Variants in MAP3K20 observed in about 807,000 individuals in gnomAD.
The protein encoded by MAP3K20 is mitogen-activated protein kinase kinase kinase 20, also known as HCCS-4.
In MAP3K20, 40 loss-of-function variants were observed where a neutral mutation model predicts 85.7. The ratio of observed to expected loss-of-function variants is 0.47; its 90% CI spans 0.36 to 0.61. The LOEUF (loss-of-function observed/expected upper bound fraction) is 0.61. Among genes scored for constraint, MAP3K20 ranks in the 20% least tolerant of loss-of-function variants. The pLI, the probability that MAP3K20 is intolerant of heterozygous loss-of-function variation, is 0.00. For synonymous variants in MAP3K20, 325 were observed against 327.7 expected, an observed-to-expected ratio of 0.99 and a Z score of 0.09; for missense variants, 817 against 961.7, an observed-to-expected ratio of 0.85 and a Z score of 1.99.
chr2:173,167,483 A>G (rs950850822), intron 2 of MAP3K20, among the ~76,000 whole-genome samples: 2 of 152,106 alleles, frequency 1.3e-5, no homozygotes, highest in Non-Finnish European at 2.9e-5. Flanking sequence ...AGCACTCTAA[A>G]ATAACATGTT....
chr2:173,184,457 G>A (rs557675566), intron 4 of MAP3K20, among the ~76,000 whole-genome samples: 1 of 152,066 alleles, frequency 6.6e-6, no homozygotes, highest in African/African-American at 2.4e-5. Context: ...TTCCCAGCCT[G>A]GGAAACTCTT....
intron 2 of MAP3K20, among the ~76,000 whole-genome samples, chr2:173,167,601 A>C (rs1443459407): frequency 6.6e-6 from 1 of 152,116 alleles, no homozygotes; most frequent in African/African-American, 2.4e-5. Flanking sequence ...TTTTTTGCAA[A>C]AAATATGAGC....
intron 5 of MAP3K20, among the ~76,000 whole-genome samples, chr2:173,189,106 T>C (rs1187990783): frequency 6.6e-6 from 1 of 152,226 alleles, no homozygotes; most frequent in African/African-American, 2.4e-5. Context: ...ACCTAACTTA[T>C]AGCAATTCTT....
At chr2:173,153,274 T>C (rs1245282043) in intron 2 of MAP3K20, among the ~76,000 whole-genome samples, 1 of 152,218 alleles carries the variant, frequency 6.6e-6, no homozygotes, top group East Asian at 1.9e-4. Flanking sequence ...TTAACTTTTC[T>C]CTAAGTCTTT....
chr2:173,150,223 T>C (rs765920905), intron 2 of MAP3K20, among the ~76,000 whole-genome samples: 1 of 152,254 alleles, frequency 6.6e-6, no homozygotes, highest in Non-Finnish European at 1.5e-5. Context: ...CAATTTATTT[T>C]TTAAAATAGC....
In MAP3K20 at chr2:173,248,448, G is replaced by A. The variant is rs78267884; in HGVS notation, c.1359+8952G>A. On this transcript the variant is annotated intron_variant, in intron 16 of 19. Transcript: ENST00000375213. Reference sequence around the variant, plus strand: ...TGAGAAAGAAACACAAGTTTTAATTGAGCAAAGAAGCAAATGCAGTTCAGA... The same window carrying A: ...TGAGAAAGAAACACAAGTTTTAATTAAGCAAAGAAGCAAATGCAGTTCAGA... 3.0e-4 allele frequency among the ~76,000 whole-genome samples: 45 copies of A among 152,284 alleles called. No homozygotes were observed. The East Asian group carries it at 8.3e-3, about 28-fold the overall frequency.
chr2:173,076,217 G>T (rs1406927541), intron 1 of MAP3K20, among the ~76,000 whole-genome samples: 1 of 151,724 alleles, frequency 6.6e-6, no homozygotes, highest in Admixed American at 6.6e-5. Context: ...GAGCGTTCGC[G>T]GCGCCCGGGA....
At chr2:173,125,884 G>A (rs952971491) in intron 2 of MAP3K20, among the ~76,000 whole-genome samples, 12 of 152,060 alleles carry the variant, frequency 7.9e-5, no homozygotes, top group African/African-American at 2.7e-4. Flanking sequence ...GGATGGTCTC[G>A]ATCTCCTGAC....
rs149529093 is a variant in MAP3K20 at position 173,260,119 on chromosome 2, C to T, written c.1477-944C>T. On this transcript the variant is annotated intron_variant, in intron 17 of 19. Transcript: ENST00000375213. The stretch of plus-strand genomic sequence containing the variant: ...CAGTGGCTCACACCTGTAATCCCTG[C>T]CCTTTGGGAGGCTGAGGTGAGCAGA... Among the ~76,000 whole-genome samples the T allele has an allele frequency of 6.8e-3, 1,042 of 152,250 alleles. 8 individuals are homozygous for T. Among genetic ancestry groups the T allele is most frequent in the African/African-American group, 0.023 (945 of 41,550 alleles).
intron 5 of MAP3K20, among the ~76,000 whole-genome samples, chr2:173,189,910 A>T (rs1345627696): frequency 6.6e-6 from 1 of 152,074 alleles, no homozygotes; most frequent in South Asian, 2.1e-4. Context: ...AGATGTCCTC[A>T]TCTGTCTCCT....
chr2:173,114,764 T>C (rs1273185749), intron 2 of MAP3K20, among the ~76,000 whole-genome samples: 5 of 152,236 alleles, frequency 3.3e-5, no homozygotes, highest in Admixed American at 3.3e-4. Context: ...GGGTTTCTGC[T>C]GAGAAATCTG....
At chr2:173,130,498 G>A (rs1233769684) in intron 2 of MAP3K20, among the ~76,000 whole-genome samples, 5 of 152,176 alleles carry the variant, frequency 3.3e-5, no homozygotes, top group African/African-American at 9.7e-5. Context: ...CTGGACTCTG[G>A]AATTAGTTGC....
chr2:173,250,929 A>G (rs1033624730), intron 16 of MAP3K20, among the ~76,000 whole-genome samples: 1 of 152,194 alleles, frequency 6.6e-6, no homozygotes, highest in African/African-American at 2.4e-5. Context: ...AAGGCAGCAT[A>G]ATAAAATATA....
At chr2:173,091,946 C>T (rs925965876) in intron 2 of MAP3K20, among the ~76,000 whole-genome samples, 2 of 152,204 alleles carry the variant, frequency 1.3e-5, no homozygotes, top group Admixed American at 1.3e-4. Context: ...CAGCAGCGAC[C>T]CTCTGGAGCT....
At chr2:173,202,557 G>A (rs554656213) in intron 8 of MAP3K20, among the ~76,000 whole-genome samples, 65 of 152,232 alleles carry the variant, frequency 4.3e-4, no homozygotes, top group African/African-American at 1.5e-3. Flanking sequence ...ACTCCCTTGA[G>A]GTGAAATTCA....
rs114293083 is a variant in MAP3K20 at position 173,079,736 on chromosome 2, G to A, written c.-35+3734G>A. On this transcript the variant is annotated intron_variant, in intron 1 of 19. Coordinates refer to ENST00000375213, the MANE Select transcript of MAP3K20 (RefSeq NM_016653.3). ...ATCAGCCTAGCCCCACATGGGGTTA[G>A]GATCGTCAATATCACTGTTTTCTAC... 3.7e-3 allele frequency among the ~76,000 whole-genome samples: 567 copies of A among 152,236 alleles called. 3 individuals are homozygous for A. Among genetic ancestry groups the A allele is most frequent in the African/African-American group, 0.012 (513 of 41,526 alleles).
intron 3 of MAP3K20, among the ~76,000 whole-genome samples, chr2:173,179,275 C>T (rs1690254040): frequency 6.6e-6 from 1 of 151,894 alleles, no homozygotes; most frequent in South Asian, 2.1e-4. Flanking sequence ...TGCCTATAGT[C>T]CCAGCTTCTC....
intron 11 of MAP3K20, among the ~76,000 whole-genome samples, chr2:173,228,964 G>A (rs952496770): frequency 3.3e-5 from 5 of 152,182 alleles, no homozygotes; most frequent in African/African-American, 4.8e-5. Context: ...TGACTTATAG[G>A]ACACACAGAC....
intron 9 of MAP3K20, among the ~76,000 whole-genome samples, chr2:173,206,082 C>T (rs1559278233): frequency 6.6e-6 from 1 of 152,152 alleles, no homozygotes; most frequent in Non-Finnish European, 1.5e-5. Flanking sequence ...CTCTCTGATA[C>T]ATAAATAGAA....
Sources: gnomAD v4.1 joint callset for allele counts (sites outside exome capture counted in the v4.1 genomes callset) on GRCh38, gnomAD v4.1.1 for gene constraint, MANE v1.5 for transcripts, NCBI Gene and HGNC (gene_info 2026-07-23, HGNC 2026-07-21) for gene names.